EPHA6: variants seen among roughly 807,000 people sequenced by gnomAD.
EPHA6 encodes ephrin type-A receptor 6.
In EPHA6, 50 loss-of-function variants were observed where a neutral mutation model predicts 112.0. The observed-to-expected ratio is 0.45, with a 90% CI of 0.36 to 0.56. EPHA6 has a LOEUF of 0.56. Among genes scored for constraint, EPHA6 ranks in the 20% least tolerant of loss-of-function variants. The probability of loss-of-function intolerance (pLI) is 0.00; values close to 1 mark genes in which losing one functional copy is unlikely to be tolerated. For synonymous variants in EPHA6, 529 were observed against 490.7 expected, an observed-to-expected ratio of 1.08 and a Z score of -1.03; for missense variants, 1,280 against 1,417.4, an observed-to-expected ratio of 0.90 and a Z score of 1.56.
chr3:97,389,650 T>A (rs941082452), intron 5 of EPHA6, among the ~76,000 whole-genome samples: 1 of 152,140 alleles, frequency 6.6e-6, no homozygotes, highest in Non-Finnish European at 1.5e-5. Flanking sequence ...AGAAATTAAT[T>A]TAGAACATAA....
intron 7 of EPHA6, among the ~76,000 whole-genome samples, chr3:97,456,974 G>T (rs1487158258): frequency 6.6e-6 from 1 of 152,078 alleles, no homozygotes; most frequent in Non-Finnish European, 1.5e-5. Context: ...ACACAAATCA[G>T]CTTTATTGAC....
At chr3:96,900,852 C>T (rs1032327929) in intron 2 of EPHA6, among the ~76,000 whole-genome samples, 15 of 152,172 alleles carry the variant, frequency 9.9e-5, no homozygotes, top group African/African-American at 3.4e-4. Flanking sequence ...TTAATGGCAT[C>T]GTTACTGAGT....
intron 2 of EPHA6, among the ~76,000 whole-genome samples, chr3:96,881,672 C>T (rs2037322723): frequency 6.6e-6 from 1 of 152,314 alleles, no homozygotes; most frequent in African/African-American, 2.4e-5. Context: ...AGAGTCTTAA[C>T]TCATTTCAGC....
intron 1 of EPHA6, among the ~76,000 whole-genome samples, chr3:96,852,442 TA>T (rs2035449408): frequency 1.3e-5 from 2 of 151,590 alleles, no homozygotes; most frequent in Non-Finnish European, 2.9e-5. Flanking sequence ...AAAATAATAA[TA>T]AAAAAAGTGA....
chr3:97,425,078 C>A (rs576356269), intron 6 of EPHA6, among the ~76,000 whole-genome samples: 1 of 152,310 alleles, frequency 6.6e-6, no homozygotes, highest in African/African-American at 2.4e-5. Context: ...TTGCAGGGTA[C>A]AGCCCCCTCC....
intron 5 of EPHA6, among the ~76,000 whole-genome samples, chr3:97,332,284 A>T (rs1053271765): frequency 2.0e-5 from 3 of 152,046 alleles, no homozygotes; most frequent in Non-Finnish European, 4.4e-5. Flanking sequence ...ATCTATGACA[A>T]ACCCACAGCC....
intron 2 of EPHA6, among the ~76,000 whole-genome samples, chr3:96,958,505 TTAA>T (rs1168230298): frequency 1.3e-5 from 2 of 152,190 alleles, no homozygotes; most frequent in Non-Finnish European, 2.9e-5. Flanking sequence ...ATAAATACTA[TTAA>T]TAATATTGAT....
At chr3:97,155,278 C>CA (rs1441410839) in intron 3 of EPHA6, among the ~76,000 whole-genome samples, 5 of 151,976 alleles carry the variant, frequency 3.3e-5, no homozygotes, top group African/African-American at 9.7e-5. Context: ...CAAAACCCCT[C>CA]AAAAAATGGA....
At chr3:97,238,294 T>G (rs1356597711) in intron 4 of EPHA6, among the ~76,000 whole-genome samples, 1 of 151,978 alleles carries the variant, frequency 6.6e-6, no homozygotes, top group Non-Finnish European at 1.5e-5. Context: ...CAAATAATTT[T>G]CATGTAATAT....
chr3:97,616,260 A>G (rs2093765293), intron 13 of EPHA6, among the ~76,000 whole-genome samples: 1 of 152,194 alleles, frequency 6.6e-6, no homozygotes, highest in Admixed American at 6.5e-5. Flanking sequence ...AAGGAAAAAA[A>G]TAAATAAATC....
At chr3:97,106,798 C>T (rs1311739597) in intron 3 of EPHA6, among the ~76,000 whole-genome samples, 4 of 152,098 alleles carry the variant, frequency 2.6e-5, no homozygotes, top group Admixed American at 6.6e-5. Context: ...TGTATGCCTG[C>T]GCTCCCTAGG....
intron 5 of EPHA6, among the ~76,000 whole-genome samples, chr3:97,398,378 A>G (rs1468672316): frequency 6.6e-6 from 1 of 151,518 alleles, no homozygotes; most frequent in Non-Finnish European, 1.5e-5. Context: ...GCACGATTTA[A>G]TATATTATTA....
chr3:97,554,427 T>A (rs1249889072), intron 11 of EPHA6, among the ~76,000 whole-genome samples: 1 of 152,152 alleles, frequency 6.6e-6, no homozygotes, highest in Non-Finnish European at 1.5e-5. Context: ...CAATTTTTTT[T>A]AATTTAACAG....
intron 13 of EPHA6, among the ~76,000 whole-genome samples, chr3:97,611,821 T>C (rs1403244243): frequency 2.0e-5 from 3 of 151,932 alleles, no homozygotes; most frequent in Admixed American, 2.0e-4. Context: ...TTGCCCCATG[T>C]TATGTGAATA....
At chr3:97,250,300 T>C (rs1176967403) in intron 5 of EPHA6, among the ~76,000 whole-genome samples, 1 of 152,202 alleles carries the variant, frequency 6.6e-6, no homozygotes, top group Non-Finnish European at 1.5e-5. Context: ...TTAATAGCAA[T>C]TTTTCTCCGT....
chr3:97,539,003 C>CT (rs1261569780), intron 11 of EPHA6, among the ~76,000 whole-genome samples: 1 of 149,514 alleles, frequency 6.7e-6, no homozygotes, highest in Non-Finnish European at 1.5e-5. Flanking sequence ...TTCTTTCTTT[C>CT]TTTCTTTCTT....
intron 5 of EPHA6, among the ~76,000 whole-genome samples, chr3:97,264,137 C>A (rs985206398): frequency 6.6e-6 from 1 of 152,218 alleles, no homozygotes; most frequent in Non-Finnish European, 1.5e-5. Context: ...ACTTTCCTTG[C>A]TGGAAACCTC....
At chr3:97,226,534 CT>C in intron 4 of EPHA6, 115 bp downstream of exon 4, 1 of 944,708 alleles carries the variant, frequency 1.1e-6, no homozygotes, top group Non-Finnish European at 1.6e-6. Context: ...TGCCATTTGT[CT>C]GTGATAACAG....
rs145405193 is a variant in EPHA6 at position 97,203,177 on chromosome 3, C to T, written c.1115-23087C>T. Among the ~76,000 whole-genome samples the T allele has an allele frequency of 7.9e-5, 12 of 152,138 alleles. 1 individual carries two copies. Among genetic ancestry groups the T allele is most frequent in the East Asian group, 7.8e-4 (4 of 5,152 alleles). ...AGTCTCTGCTTCTAAGGTTCATTGA[C>T]GTATTTACAAGATCACTCTGATCAT... is the stretch of plus-strand genomic sequence containing the variant. On this transcript the variant is annotated intron_variant, in intron 3 of 17. Coordinates refer to ENST00000389672, the MANE Select transcript of EPHA6 (RefSeq NM_001080448.3).
Sources: gnomAD v4.1 joint callset for allele counts (sites outside exome capture counted in the v4.1 genomes callset) on GRCh38, gnomAD v4.1.1 for gene constraint, MANE v1.5 for transcripts, NCBI Gene and HGNC (gene_info 2026-07-23, HGNC 2026-07-21) for gene names.